The following ASIC2 variants were observed in gnomAD, a reference collection of about 807,000 sequenced individuals.
ASIC2 encodes acid sensing ion channel subunit 2.
In ASIC2, 25 loss-of-function variants were observed where a neutral mutation model predicts 57.3. The ratio of observed to expected loss-of-function variants is 0.44; its 90% CI spans 0.32 to 0.61. The LOEUF (loss-of-function observed/expected upper bound fraction) is 0.61, where lower values mean the gene tolerates loss of function less well. Ranked by LOEUF, ASIC2 falls within the 20% of genes least tolerant of loss-of-function variation. The probability of loss-of-function intolerance (pLI) is 0.06; values close to 1 mark genes in which losing one functional copy is unlikely to be tolerated. For synonymous variants in ASIC2, 319 were observed against 307.5 expected, an observed-to-expected ratio of 1.04 and a Z score of -0.39; for missense variants, 641 against 738.1, an observed-to-expected ratio of 0.87 and a Z score of 1.52.
chr17:33,180,621 G>C (rs1373426745), intron 1 of ASIC2, among the ~76,000 whole-genome samples: 1 of 152,168 alleles, frequency 6.6e-6, no homozygotes, highest in Non-Finnish European at 1.5e-5. Context: ...ATCACCACCA[G>C]GCCTTGGCAG....
rs367728036 is a variant in ASIC2 at position 33,747,229 on chromosome 17, T to G, written c.555+408749A>C. Among the ~76,000 whole-genome samples the G allele has an allele frequency of 3.9e-4, 59 of 149,372 alleles. No individual in the cohort carries two copies. In the East Asian group the frequency reaches 6.5e-3, roughly 16 times the overall value. On this transcript the variant is annotated intron_variant, in intron 1 of 9. Coordinates refer to the ASIC2 transcript ENST00000359872. ...TTGCTCCCATCCAGCCGTCTTTTTT[T>G]TTTTTTTTTTTTTTGAGATGGTCTA...
intron 1 of ASIC2, among the ~76,000 whole-genome samples, chr17:34,083,830 G>A (rs1239201205): frequency 6.6e-6 from 1 of 152,230 alleles, no homozygotes; most frequent in African/African-American, 2.4e-5. Context: ...CTTTCGAGAA[G>A]TGTCTGTTCA....
intron 1 of ASIC2, among the ~76,000 whole-genome samples, chr17:33,300,280 A>G (rs1297271184): frequency 6.6e-6 from 1 of 152,162 alleles, no homozygotes; most frequent in Non-Finnish European, 1.5e-5. Context: ...GTTGTTGACT[A>G]AAGTAATTGT....
intron 1 of ASIC2, among the ~76,000 whole-genome samples, chr17:33,499,164 A>G (rs60912851): frequency 0.012 from 1,887 of 152,284 alleles, 54 homozygotes; most frequent in African/African-American, 0.043. Flanking sequence ...GGGTGTCTAC[A>G]TCTCCTCTAC....
chr17:33,915,024 A>G (rs566852411), intron 1 of ASIC2, among the ~76,000 whole-genome samples: 20 of 152,308 alleles, frequency 1.3e-4, no homozygotes, highest in Non-Finnish European at 2.5e-4. Flanking sequence ...AGCACCAAAC[A>G]CAGCTGGCGT....
intron 1 of ASIC2, among the ~76,000 whole-genome samples, chr17:33,846,430 G>A (rs1250121500): frequency 2.0e-5 from 3 of 152,122 alleles, no homozygotes; most frequent in African/African-American, 4.8e-5. Context: ...CTCACTAATA[G>A]CTCTGATTGC....
chr17:33,395,631 T>C (rs1910049595), intron 1 of ASIC2, among the ~76,000 whole-genome samples: 1 of 152,188 alleles, frequency 6.6e-6, no homozygotes, highest in Admixed American at 6.5e-5. Context: ...CACTCCTCAT[T>C]CACCCGTTTA....
chr17:33,418,024 A>ATGTGTGTGTGTGTG (rs57341033), intron 1 of ASIC2, among the ~76,000 whole-genome samples: 21 of 110,242 alleles, frequency 1.9e-4, no homozygotes, highest in African/African-American at 5.8e-4. Flanking sequence ...CTCAGCATGT[A>ATGTGTGTGTGTGTG]TGTATGTGTG....
At chr17:33,733,532 C>A (rs893035419) in intron 1 of ASIC2, among the ~76,000 whole-genome samples, 1 of 152,206 alleles carries the variant, frequency 6.6e-6, no homozygotes, top group Admixed American at 6.5e-5. Context: ...CATGTGCATA[C>A]ATTCCTCTCT....
intron 3 of ASIC2, among the ~76,000 whole-genome samples, chr17:33,034,740 C>T (rs2091901994): frequency 1.3e-5 from 2 of 152,152 alleles, no homozygotes; most frequent in Admixed American, 1.3e-4. Context: ...CTCCCTCTGG[C>T]TGCCTTTGTG....
At chr17:33,212,752 C>G (rs980423976) in intron 1 of ASIC2, among the ~76,000 whole-genome samples, 2 of 152,158 alleles carry the variant, frequency 1.3e-5, no homozygotes, top group African/African-American at 4.8e-5. Context: ...TGCTCCCTCC[C>G]CTTTCCCTTA....
intron 1 of ASIC2, chr17:34,002,328 T>G (rs1206031504): frequency 6.6e-6 from 1 of 152,268 alleles, no homozygotes; most frequent in Non-Finnish European, 1.5e-5. Flanking sequence ...GTCTGCTTCC[T>G]TTTCTTAGCA....
intron 1 of ASIC2, among the ~76,000 whole-genome samples, chr17:33,683,983 A>G (rs1425392021): frequency 6.6e-6 from 1 of 152,218 alleles, no homozygotes; most frequent in East Asian, 1.9e-4. Flanking sequence ...GGGGAGGAAT[A>G]CGATTTAACC....
chr17:33,490,678 C>T (rs554902779), intron 1 of ASIC2, among the ~76,000 whole-genome samples: 1 of 152,220 alleles, frequency 6.6e-6, no homozygotes, highest in African/African-American at 2.4e-5. Context: ...GAGGCCTCCC[C>T]AGCCACGTGG....
At chr17:33,807,594 C>T (rs1232015039) in intron 1 of ASIC2, among the ~76,000 whole-genome samples, 2 of 152,100 alleles carry the variant, frequency 1.3e-5, no homozygotes, top group Non-Finnish European at 2.9e-5. Flanking sequence ...CTTCTCTTGT[C>T]TCTCCCCTTT....
intron 1 of ASIC2, among the ~76,000 whole-genome samples, chr17:33,499,489 A>G (rs1001200098): frequency 2.6e-5 from 4 of 152,238 alleles, no homozygotes; most frequent in Non-Finnish European, 4.4e-5. Flanking sequence ...AAGGTGATGC[A>G]TCTATAAAGC....
At chr17:33,598,543 A>G (rs1048342572) in intron 1 of ASIC2, among the ~76,000 whole-genome samples, 1 of 152,170 alleles carries the variant, frequency 6.6e-6, no homozygotes, top group Non-Finnish European at 1.5e-5. Flanking sequence ...GTATGTGAAA[A>G]TGTCAGGGCT....
intron 1 of ASIC2, among the ~76,000 whole-genome samples, chr17:33,350,389 T>C (rs1908115204): frequency 6.6e-6 from 1 of 152,116 alleles, no homozygotes; most frequent in Non-Finnish European, 1.5e-5. Flanking sequence ...CTTAATTTAC[T>C]TAATCACTGG....
intron 3 of ASIC2, among the ~76,000 whole-genome samples, chr17:33,056,934 T>G (rs1400881146): frequency 6.6e-6 from 1 of 152,190 alleles, no homozygotes; most frequent in African/African-American, 2.4e-5. Context: ...TGTACTTTGG[T>G]CTCTCTAGAT....
Sources: gnomAD v4.1 joint callset for allele counts (sites outside exome capture counted in the v4.1 genomes callset) on GRCh38, gnomAD v4.1.1 for gene constraint, MANE v1.5 for transcripts, NCBI Gene and HGNC (gene_info 2026-07-23, HGNC 2026-07-21) for gene names.